The following BRAF variants were observed in gnomAD, a reference collection of about 807,000 sequenced individuals.
The protein encoded by BRAF is B-Raf proto-oncogene, serine/threonine kinase, also known as serine/threonine-protein kinase B-raf.
A neutral mutation model predicts 104.6 loss-of-function variants in BRAF; 16 were observed. That is an observed-to-expected ratio of 0.15 (90% CI 0.10 to 0.23). BRAF has a LOEUF of 0.23. Among genes scored for constraint, BRAF ranks in the 10% least tolerant of loss-of-function variants. The pLI is 1.00. For synonymous variants in BRAF, 310 were observed against 341.6 expected (o/e 0.91, Z 1.02); for missense variants, 541 against 937.3 (o/e 0.58, Z 5.52).
chr7:140,807,774 A>G (rs1458226611), intron 5 of BRAF, among the ~76,000 whole-genome samples, 186 bp downstream of exon 5: 8 of 152,170 alleles, frequency 5.3e-5, no homozygotes, highest in African/African-American at 1.9e-4. Flanking sequence ...AATTAAAAAG[A>G]AAGTATAAAG....
chr7:140,829,326 T>C (rs376660966), intron 3 of BRAF, among the ~76,000 whole-genome samples: 1 of 151,108 alleles, frequency 6.6e-6, no homozygotes, highest in African/African-American at 2.5e-5. Flanking sequence ...CTACTAGATT[T>C]TTCTTGAAAG....
chr7:140,910,164 C>T (rs1816809027), intron 1 of BRAF, among the ~76,000 whole-genome samples: 1 of 152,170 alleles, frequency 6.6e-6, no homozygotes, highest in Non-Finnish European at 1.5e-5. Flanking sequence ...AATCCAGTCC[C>T]ATCTAATTTT....
At chr7:140,766,693 G>A (rs1799361332) in intron 14 of BRAF, among the ~76,000 whole-genome samples, 3 of 151,914 alleles carry the variant, frequency 2.0e-5, no homozygotes, top group African/African-American at 7.3e-5. Flanking sequence ...TGGGACCACA[G>A]ACATACACCA....
chr7:140,854,938 T>C (rs1245871714), intron 1 of BRAF, among the ~76,000 whole-genome samples: 1 of 151,990 alleles, frequency 6.6e-6, no homozygotes, highest in Non-Finnish European at 1.5e-5. Context: ...AGAGCAAGAC[T>C]TCGTCTCAAA....
chr7:140,911,800 C>T (rs893159513), intron 1 of BRAF, among the ~76,000 whole-genome samples: 2 of 152,114 alleles, frequency 1.3e-5, no homozygotes, highest in Non-Finnish European at 2.9e-5. Context: ...CAAATTTAGC[C>T]TACATTCATG....
At chr7:140,813,038 T>C (rs1804451406) in intron 3 of BRAF, among the ~76,000 whole-genome samples, 1 of 151,932 alleles carries the variant, frequency 6.6e-6, no homozygotes, top group Non-Finnish European at 1.5e-5. Context: ...AGGAAAAAAA[T>C]ATTATATTCA....
intron 1 of BRAF, among the ~76,000 whole-genome samples, chr7:140,874,485 C>A (rs547770662): frequency 1.6e-4 from 24 of 147,858 alleles, no homozygotes; most frequent in Admixed American, 5.5e-4. Context: ...CAGGCGTGAG[C>A]CACCGCGACT....
Position 140,787,717 on chromosome 7 carries a change from C to G in BRAF, c.1141-133G>C, listed in dbSNP as rs1456750970. ...AACAATACATCTTATAACTATTACACAAAACAATTTGGAATTATCTAGTGA... is the reference window on the plus strand; with the variant it reads ...AACAATACATCTTATAACTATTACAGAAAACAATTTGGAATTATCTAGTGA... On this transcript the variant is annotated intron_variant, in intron 8 of 19. Coordinates refer to ENST00000644969, the MANE Select transcript of BRAF (RefSeq NM_001374258.1). 5.2e-6 allele frequency: 4 copies of G among 768,360 alleles called. No homozygotes were observed. In the African/African-American group the frequency reaches 5.3e-5, roughly 10 times the overall value. The allele number at this position is 768,360 out of a possible 1,614,324, so 47.6% of individuals were successfully genotyped here.
intron 3 of BRAF, among the ~76,000 whole-genome samples, chr7:140,809,377 T>TA (rs1460937212): frequency 2.0e-5 from 3 of 152,184 alleles, no homozygotes; most frequent in Non-Finnish European, 4.4e-5. Flanking sequence ...GAAAACTGTA[T>TA]AACCCTTCAA....
intron 12 of BRAF, among the ~76,000 whole-genome samples, chr7:140,778,942 A>G (rs929525823): frequency 6.6e-6 from 1 of 152,226 alleles, no homozygotes; most frequent in Non-Finnish European, 1.5e-5. Flanking sequence ...AAATGTTTAC[A>G]GCACCAGCAT....
chr7:140,816,450 C>T (rs1008528905), intron 3 of BRAF, among the ~76,000 whole-genome samples: 1 of 152,118 alleles, frequency 6.6e-6, no homozygotes, highest in Non-Finnish European at 1.5e-5. Flanking sequence ...TTCTGGTATT[C>T]GTTTTATTGC....
At chr7:140,884,427 A>ATGTGTGTGTGTGTGTGTG (rs1491354147) in intron 1 of BRAF, among the ~76,000 whole-genome samples, 4 of 114,662 alleles carry the variant, frequency 3.5e-5, no homozygotes, top group African/African-American at 6.4e-5. Flanking sequence ...TATATATAAG[A>ATGTGTGTGTGTGTGTGTG]TATGTGTGTG....
rs1475361990 is a variant in BRAF at position 140,770,019 on chromosome 7, G to C, written c.1814+6893C>G. On this transcript the variant is annotated intron_variant, in intron 14 of 19. Coordinates refer to ENST00000644969, the MANE Select transcript of BRAF (RefSeq NM_001374258.1). ...CAGAATGCTGTTAAGGTGGCTGGTT[G>C]CATCAGAAATGACCCAGGAAGCAAT... Among the ~76,000 whole-genome samples, 4 of 151,896 alleles carry C rather than the reference G, an allele frequency of 2.6e-5. No individual in the cohort carries two copies. The East Asian group carries it at 7.7e-4, about 29-fold the overall frequency.
intron 19 of BRAF, chr7:140,730,863 T>C (rs1224071614): frequency 2.6e-5 from 4 of 152,214 alleles, no homozygotes; most frequent in Non-Finnish European, 5.9e-5. Context: ...GCATTATACA[T>C]AGAATTTGAT....
At chr7:140,805,756 T>C (rs982082906) in intron 5 of BRAF, among the ~76,000 whole-genome samples, 31 of 152,160 alleles carry the variant, frequency 2.0e-4, no homozygotes, top group Non-Finnish European at 1.5e-5. Flanking sequence ...TCTTGGGATA[T>C]AGAGAAATAC....
chr7:140,811,904 G>A (rs1172997719), intron 3 of BRAF, among the ~76,000 whole-genome samples: 1 of 152,112 alleles, frequency 6.6e-6, no homozygotes, highest in Non-Finnish European at 1.5e-5. Flanking sequence ...AGAACTGGTT[G>A]TAACCTTTCA....
At chr7:140,835,809 G>A (rs1807269061) in intron 2 of BRAF, 1 of 152,156 alleles carries the variant, frequency 6.6e-6, no homozygotes, top group African/African-American at 2.4e-5. Context: ...CTCACACCAT[G>A]CTCTACTATT....
At chr7:140,874,955 A>G (rs1224281919) in intron 1 of BRAF, among the ~76,000 whole-genome samples, 2 of 152,154 alleles carry the variant, frequency 1.3e-5, no homozygotes, top group African/African-American at 4.8e-5. Context: ...TGCTCCAGCC[A>G]TGAGAGATAT....
chr7:140,801,342 C>T lies in BRAF; in HGVS notation c.860+70G>A, dbSNP rs961154701. The stretch of plus-strand genomic sequence containing the variant: ...AAAACCCTCACAGACTTTTAGACAT[C>T]GTAGCTTCACATTAAGAAAATTTAA... On this transcript the variant is annotated intron_variant, in intron 6 of 19. Transcript: ENST00000644969. 1.3e-5 allele frequency: 20 copies of T among 1,552,752 alleles called. 1 individual carries two copies. The highest frequency in any genetic ancestry group is 5.7e-5 in the South Asian group (5 of 87,148).
Sources: gnomAD v4.1 joint callset for allele counts (sites outside exome capture counted in the v4.1 genomes callset) on GRCh38, gnomAD v4.1.1 for gene constraint, MANE v1.5 for transcripts, NCBI Gene and HGNC (gene_info 2026-07-23, HGNC 2026-07-21) for gene names.